Variants in TPCN1 observed in about 807,000 individuals in gnomAD.
The protein encoded by TPCN1 is two pore segment channel 1, also known as two pore channel protein 1.
In TPCN1, 52 loss-of-function variants were observed where a neutral mutation model predicts 108.8. The observed-to-expected ratio is 0.48, with a 90% CI of 0.38 to 0.60. TPCN1 has a LOEUF of 0.60. Ranked by LOEUF, TPCN1 falls within the 20% of genes least tolerant of loss-of-function variation. The probability of loss-of-function intolerance (pLI) is 0.00; values close to 1 mark genes in which losing one functional copy is unlikely to be tolerated. For missense variants in TPCN1, 806 were observed against 1,072.8 expected, an observed-to-expected ratio of 0.75 and a Z score of 3.47; for synonymous variants, 446 against 433.7, an observed-to-expected ratio of 1.03 and a Z score of -0.35.
At position 113,295,947 on chromosome 12, in the gene TPCN1, C is replaced by T. The variant is rs1956411886; in HGVS notation, c.2335-13C>T. On this transcript the variant is annotated splice_polypyrimidine_tract_variant and intron_variant, in intron 27 of 27. Transcript: ENST00000335509. ...GGTGCAGCCCTCAGCACCCCTTCTG[C>T]TCTCTTCTCCAGGAGTGGTATGAGG... The T allele has an allele frequency of 6.3e-7, 1 of 1,580,434 alleles. No individual in the cohort carries two copies. The highest frequency in any genetic ancestry group is 8.6e-7 in the Non-Finnish European group (1 of 1,163,870).
intron 27 of TPCN1, among the ~76,000 whole-genome samples, chr12:113,294,691 A>G (rs1346276323): frequency 6.6e-6 from 1 of 151,802 alleles, no homozygotes; most frequent in African/African-American, 2.4e-5. Context: ...CAATCTTTAC[A>G]TATTGGCAGC....
intron 2 of TPCN1, chr12:113,245,938 A>T (rs1461950621): frequency 2.2e-6 from 1 of 456,068 alleles, no homozygotes; most frequent in East Asian, 7.0e-5. Flanking sequence ...GTGCTCCAGC[A>T]AACAGAAACC....
chr12:113,265,502 GC>G (rs1955221770), intron 3 of TPCN1, among the ~76,000 whole-genome samples: 1 of 151,806 alleles, frequency 6.6e-6, no homozygotes, highest in South Asian at 2.1e-4. Flanking sequence ...GATTGGACAT[GC>G]CTGTTTCTCT....
At chr12:113,267,502 G>A (rs1007419200) in intron 4 of TPCN1, among the ~76,000 whole-genome samples, 5 of 151,740 alleles carry the variant, frequency 3.3e-5, no homozygotes, top group African/African-American at 1.2e-4. Flanking sequence ...GTGCTCAAGC[G>A]ATTCTCCTGC....
At position 113,284,824 on chromosome 12, in the gene TPCN1, G is replaced by A; in HGVS notation, c.1453+53G>A. 6.3e-7 allele frequency: 1 copy of A among 1,588,844 alleles called. No individual in the cohort carries two copies. Among genetic ancestry groups the A allele is most frequent in the East Asian group, 2.2e-5 (1 of 44,762 alleles). Reference sequence around the variant, plus strand: ...CTGCTTGTTTTAAAATTGTCTGGGAGAACTTTCATTCAGTGTAGAACCTCA... The same window carrying A: ...CTGCTTGTTTTAAAATTGTCTGGGAAAACTTTCATTCAGTGTAGAACCTCA... On this transcript the variant is annotated intron_variant, in intron 17 of 27. Transcript: ENST00000335509. This position sits in a 1 kb window ranked among gnomAD's most constrained non-coding sequence, Gnocchi z 4.1.
intron 2 of TPCN1, chr12:113,244,610 C>A (rs1023784649): frequency 4.1e-6 from 4 of 985,312 alleles, no homozygotes; most frequent in Non-Finnish European, 3.6e-6. Flanking sequence ...ATCAGTGTCA[C>A]TCTGGTTTAT....
intron 3 of TPCN1, among the ~76,000 whole-genome samples, chr12:113,262,994 A>G (rs1955101105): frequency 6.6e-6 from 1 of 152,186 alleles, no homozygotes; most frequent in Non-Finnish European, 1.5e-5. Flanking sequence ...TACTTGTGGG[A>G]AAAAGCAGTT....
chr12:113,295,250 C>G (rs890380927), intron 27 of TPCN1, among the ~76,000 whole-genome samples: 1 of 151,998 alleles, frequency 6.6e-6, no homozygotes, highest in Non-Finnish European at 1.5e-5. Context: ...AGAACTAGGC[C>G]ATCTCGAAGC....
At position 113,298,161 on chromosome 12, in the gene TPCN1, G is replaced by A. The variant is rs1052849202; in HGVS notation, c.*2085G>A. 3.9e-5 allele frequency: 6 copies of A among 152,358 alleles called. No individual in the cohort carries two copies. The highest frequency in any genetic ancestry group is 7.3e-5 in the Non-Finnish European group (5 of 68,114). The allele number at this position is 152,358 out of a possible 1,614,324, so 9.4% of individuals were successfully genotyped here. On this transcript the variant is annotated 3_prime_UTR_variant, in exon 28 of 28. Coordinates refer to ENST00000335509, the MANE Select transcript of TPCN1 (RefSeq NM_017901.6). ...ATACCCAATGGCAGCAGTGTCAACA[G>A]ACGGGAGTCCAGCCAGGGTGGGTGC...
intron 2 of TPCN1, 151 bp downstream of exon 2, chr12:113,227,115 G>T (rs1953499530): frequency 1.5e-6 from 1 of 665,522 alleles, no homozygotes. Flanking sequence ...AACTACTCCT[G>T]GGAGGCTGTG....
At chr12:113,279,374 TA>T (rs1955796959) in intron 14 of TPCN1, among the ~76,000 whole-genome samples, 3 of 28,866 alleles carry the variant, frequency 1.0e-4, no homozygotes, top group Non-Finnish European at 2.2e-4. Context: ...TATATATATA[TA>T]TATATATATA....
chr12:113,286,484 C>T (rs1007282604), intron 18 of TPCN1, among the ~76,000 whole-genome samples: 1 of 128,694 alleles, frequency 7.8e-6, no homozygotes, highest in Non-Finnish European at 1.7e-5. Context: ...CACGTGTGTG[C>T]CCTGCGTGTC....
chr12:113,273,522 T>C lies in TPCN1; in HGVS notation c.843-47T>C. Reference sequence around the variant, plus strand: ...CTGCAAGGCATGTGCTCTGAGAGGATGGAGACAGGCAGATACAGCACGCCG... The same window carrying C: ...CTGCAAGGCATGTGCTCTGAGAGGACGGAGACAGGCAGATACAGCACGCCG... On this transcript the variant is annotated intron_variant, in intron 9 of 27. Transcript: ENST00000335509. The surrounding 1 kb of genome is among the most constrained non-coding windows in gnomAD (Gnocchi z 4.0). 1 of 1,471,648 alleles carries C rather than the reference T, an allele frequency of 6.8e-7. No individual in the cohort carries two copies. Among genetic ancestry groups the C allele is most frequent in the African/African-American group, 1.4e-5 (1 of 71,954 alleles). The allele number at this position is 1,471,648 out of a possible 1,614,324, so 91.2% of individuals were successfully genotyped here.
rs1956163672 is a variant in TPCN1 at position 113,288,477 on chromosome 12, CTG to C, written c.1706+247_1706+248del. 1.3e-6 allele frequency: 2 copies of C among 1,502,908 alleles called. No homozygotes were observed. Among genetic ancestry groups the C allele is most frequent in the South Asian group, 2.5e-5 (2 of 79,178 alleles). The allele number at this position is 1,502,908 out of a possible 1,614,324, so 93.1% of individuals were successfully genotyped here. On this transcript the variant is annotated intron_variant, in intron 20 of 27. Transcript: ENST00000335509. This position sits in a 1 kb window ranked among gnomAD's most constrained non-coding sequence, Gnocchi z 4.8. ...AGGGAGCTGTCAACTCGCTTACCAC[CTG>C]TGTCTACATTCACAGGTAAGGGGTC...
chr12:113,263,771 G>T (rs1398634743), intron 3 of TPCN1, among the ~76,000 whole-genome samples: 1 of 152,234 alleles, frequency 6.6e-6, no homozygotes, highest in East Asian at 1.9e-4. Context: ...ACTCATTTCT[G>T]TGTGGACTTG....
chr12:113,255,083 T>G (rs1351751192), intron 2 of TPCN1, among the ~76,000 whole-genome samples: 1 of 152,228 alleles, frequency 6.6e-6, no homozygotes. Flanking sequence ...GCATCTGGAT[T>G]AGAAAGGAAG....
intron 3 of TPCN1, among the ~76,000 whole-genome samples, chr12:113,265,632 G>A (rs1488956204): frequency 6.9e-6 from 1 of 144,544 alleles, no homozygotes; most frequent in Non-Finnish European, 1.5e-5. Context: ...CTGCAGCTTT[G>A]ACCTCCCGGG....
At chr12:113,245,369 G>T (rs548838053) in intron 2 of TPCN1, among the ~76,000 whole-genome samples, 1 of 121,384 alleles carries the variant, frequency 8.2e-6, no homozygotes, top group South Asian at 2.4e-4. Flanking sequence ...AGGCCGAGGC[G>T]GGCGGATCAC....
Position 113,284,749 on chromosome 12 carries a change from G to A in TPCN1, c.1431G>A (p.Trp477Ter). ...GGNFFSKHVP[W>*]SYLVFLTIYG... ...ACTTCTTCTCCAAGCACGTGCCCTG[G>A]AGTTACCTCGTCTTTCTAACTAGTA... The change falls in exon 17 of 28, where the codon TGG becomes TGA. Residue 477 changes from tryptophan to a stop codon, truncating the protein, a stop_gained. Transcript: ENST00000335509. LOFTEE classifies it high-confidence loss of function. This position sits in a 1 kb window ranked among gnomAD's most constrained non-coding sequence, Gnocchi z 4.1. The A allele has an allele frequency of 1.2e-6, 2 of 1,614,208 alleles. No individual in the cohort carries two copies. Among genetic ancestry groups the A allele is most frequent in the Non-Finnish European group, 1.7e-6 (2 of 1,180,044 alleles).
Sources: gnomAD v4.1 joint callset for allele counts (sites outside exome capture counted in the v4.1 genomes callset) on GRCh38, gnomAD v4.1.1 for gene constraint, Gnocchi (gnomAD v3.1) non-coding constraint, MANE v1.5 for transcripts, NCBI Gene and HGNC (gene_info 2026-07-23, HGNC 2026-07-21) for gene names.